ITIH2: variants seen among roughly 807,000 people sequenced by gnomAD.
The protein encoded by ITIH2 is inter-alpha-trypsin inhibitor heavy chain H2.
In ITIH2, 103 loss-of-function variants were observed where a neutral mutation model predicts 104.4. The ratio of observed to expected loss-of-function variants is 0.99; its 90% CI spans 0.84 to 1.16. ITIH2 has a LOEUF of 1.16. Ranked by LOEUF, ITIH2 falls within the 50% of genes most tolerant of loss-of-function variation. The pLI is 0.00. For missense variants in ITIH2, 1,108 were observed against 1,162.4 expected, an observed-to-expected ratio of 0.95 and a Z score of 0.68; for synonymous variants, 436 against 435.4, an observed-to-expected ratio of 1.00 and a Z score of -0.02.
At chr10:7,731,719 C>T (rs554406362) in intron 12 of ITIH2, 92 bp from the exon 13 acceptor site, 24 of 930,820 alleles carry the variant, frequency 2.6e-5, no homozygotes, top group South Asian at 3.9e-5. Context: ...AGTGAGACAT[C>T]GTCTCAAAAT....
chr10:7,747,608 C>T (rs1835191673), intron 20 of ITIH2, among the ~76,000 whole-genome samples: 1 of 152,102 alleles, frequency 6.6e-6, no homozygotes, highest in Non-Finnish European at 1.5e-5. Flanking sequence ...CATTTACTGC[C>T]AGGCATGGTG....
chr10:7,705,530 G>A (rs114908656), intron 2 of ITIH2, among the ~76,000 whole-genome samples: 2,113 of 151,784 alleles, frequency 0.014, 42 homozygotes, highest in African/African-American at 0.044. Context: ...ACATAGTGAG[G>A]CTCTACCTCT....
At chr10:7,715,154 G>T (rs1449525389) in intron 5 of ITIH2, among the ~76,000 whole-genome samples, 2 of 152,176 alleles carry the variant, frequency 1.3e-5, no homozygotes, top group Non-Finnish European at 2.9e-5. Context: ...CAGGCGTGGT[G>T]GCTCACGCCT....
chr10:7,706,124 T>C (rs1834745321), intron 2 of ITIH2, among the ~76,000 whole-genome samples: 1 of 152,214 alleles, frequency 6.6e-6, no homozygotes. Context: ...GGATTTTTTT[T>C]TGTAGACTAA....
intron 3 of ITIH2, 135 bp from the exon 4 acceptor site, chr10:7,708,887 C>T (rs1032355880): frequency 8.0e-6 from 6 of 752,550 alleles, no homozygotes; most frequent in African/African-American, 7.0e-5. Flanking sequence ...TGAATTCTGT[C>T]CTTACCAAGG....
intron 9 of ITIH2, among the ~76,000 whole-genome samples, chr10:7,724,217 C>A (rs538158325): frequency 5.3e-5 from 8 of 152,156 alleles, no homozygotes; most frequent in Admixed American, 4.6e-4. Context: ...AGTCATAGGG[C>A]AACTATTTTT....
chr10:7,730,864 T>A (rs1588457418), intron 12 of ITIH2, among the ~76,000 whole-genome samples: 1 of 152,120 alleles, frequency 6.6e-6, no homozygotes, highest in African/African-American at 2.4e-5. Context: ...TTTGTAAAAA[T>A]TTAATTATTA....
At position 7,721,682 on chromosome 10, in the gene ITIH2, C is replaced by T. The variant is rs530698071; in HGVS notation, c.772C>T (p.Gln258Ter). ...CTCCTTCAAGCCCACGGTAGCACAG[C>T]AGAGAATATGCCCTAACTGCCGGGA... The part of the protein sequence containing the change: ...HVSFKPTVAQ[Q>*]RICPNCRETA... The change falls in exon 8 of 21, where the codon CAG (glutamine) becomes TAG (stop). Residue 258 changes from glutamine to a stop codon, truncating the protein, a stop_gained. Transcript: ENST00000358415. LOFTEE classifies it high-confidence loss of function. The T allele has an allele frequency of 1.2e-6, 2 of 1,613,716 alleles. No homozygotes were observed. The highest frequency in any genetic ancestry group is 1.3e-5 in the African/African-American group (1 of 75,036).
chr10:7,722,660 A>C (rs892455634), intron 8 of ITIH2, among the ~76,000 whole-genome samples: 2 of 151,982 alleles, frequency 1.3e-5, no homozygotes, highest in African/African-American at 4.8e-5. Flanking sequence ...ATTCCCCACT[A>C]TCTCAACCTG....
rs374217961 is a variant in ITIH2, at chr10:7,725,917, G to A, written c.985-1033G>A. Among the ~76,000 whole-genome samples, 80 of 152,274 alleles carry A rather than the reference G, an allele frequency of 5.3e-4. No homozygotes were observed. The South Asian group carries it at 0.016, about 30-fold the overall frequency. ...GAAGAAGAGGATAATTGGTGATAGAGACTAATAAAAACAATTAGTAAGTGG... is the reference window on the plus strand; with the variant it reads ...GAAGAAGAGGATAATTGGTGATAGAAACTAATAAAAACAATTAGTAAGTGG... On this transcript the variant is annotated intron_variant, in intron 9 of 20. Coordinates refer to ENST00000358415, the MANE Select transcript of ITIH2 (RefSeq NM_002216.3).
intron 5 of ITIH2, among the ~76,000 whole-genome samples, chr10:7,714,521 C>T (rs1255408751): frequency 6.6e-6 from 1 of 152,080 alleles, no homozygotes; most frequent in East Asian, 1.9e-4. Flanking sequence ...CTCCTCTCCT[C>T]TTCTCTTACA....
intron 3 of ITIH2, among the ~76,000 whole-genome samples, chr10:7,708,373 G>A (rs550968706): frequency 2.6e-5 from 4 of 152,282 alleles, no homozygotes; most frequent in Non-Finnish European, 5.9e-5. Flanking sequence ...AGTAGTGATC[G>A]GGTAAGGAGG....
rs151161263 is a variant in ITIH2, at chr10:7,705,476, A to C, written c.159+294A>C. ...ATCACAGCATTTTCAGAGGCCAAGG[A>C]GGGAGGATCACTTGAGGCCAGGAGT... On this transcript the variant is annotated intron_variant, in intron 2 of 20. Coordinates refer to ENST00000358415, the MANE Select transcript of ITIH2 (RefSeq NM_002216.3). 7.2e-4 allele frequency among the ~76,000 whole-genome samples: 110 copies of C among 152,214 alleles called. 2 individuals are homozygous for C. Among genetic ancestry groups the C allele is most frequent in the African/African-American group, 2.6e-3 (108 of 41,538 alleles).
chr10:7,744,915 T>A lies in ITIH2; in HGVS notation c.2533T>A (p.Tyr845Asn). 1 of 1,614,156 alleles carries A rather than the reference T, an allele frequency of 6.2e-7. No homozygotes were observed. Residue 845 changes from tyrosine to asparagine, a missense_variant, in exon 19 of 21, where the codon TAC becomes AAC. Coordinates refer to ENST00000358415, the MANE Select transcript of ITIH2 (RefSeq NM_002216.3). ...CGTCAATGTTGACTTTCTGGGAATC[T>A]ACATACCCCCTACAAACAAGTTCTC... ...HPVNVDFLGI[Y>N]IPPTNKFSPK... is the part of the protein sequence containing the mutation.
chr10:7,704,358 G>A (rs117710263), intron 1 of ITIH2, among the ~76,000 whole-genome samples: 1,991 of 152,304 alleles, frequency 0.013, 34 homozygotes, highest in Non-Finnish European at 0.017. Flanking sequence ...AGCCACCAGA[G>A]TGTGTTAGAA....
chr10:7,747,890 C>G (rs73628453), intron 20 of ITIH2, among the ~76,000 whole-genome samples: 2 of 150,278 alleles, frequency 1.3e-5, no homozygotes, highest in Non-Finnish European at 3.0e-5. Flanking sequence ...CAGAGAGAGA[C>G]CTGTCTCATA....
At chr10:7,732,034 A>G in intron 13 of ITIH2, 38 bp downstream of exon 13, 1 of 1,495,734 alleles carries the variant, frequency 6.7e-7, no homozygotes, top group Non-Finnish European at 9.3e-7. Flanking sequence ...CTACTAACTG[A>G]CCCCCTAGAT....
In ITIH2 at chr10:7,737,773, TATTCTATATTATATTCTATATA is replaced by T. The variant is rs1308719320; in HGVS notation, c.1958-845_1958-824del. Among the ~76,000 whole-genome samples, 5 of 18,132 alleles carry T rather than the reference TATTCTATATTATATTCTATATA, an allele frequency of 2.8e-4. 2 individuals carry two copies. The allele number at this position is 18,132 out of a possible 152,430, so 11.9% of individuals were successfully genotyped here. On this transcript the variant is annotated intron_variant, in intron 15 of 20. Coordinates refer to ENST00000358415, the MANE Select transcript of ITIH2 (RefSeq NM_002216.3). ...ATATTCTATATTATATTCTATATAA[TATTCTATATTATATTCTATATA>T]ATATTCTATATTATATTCTATATAA...
chr10:7,715,769 C>T (rs733600), intron 5 of ITIH2, among the ~76,000 whole-genome samples: 9,472 of 152,254 alleles, frequency 0.062, 889 homozygotes, highest in African/African-American at 0.21. Flanking sequence ...TGAAATTTCA[C>T]TCTATCACCC....
Sources: gnomAD v4.1 joint callset for allele counts (sites outside exome capture counted in the v4.1 genomes callset) on GRCh38, gnomAD v4.1.1 for gene constraint, MANE v1.5 for transcripts, NCBI Gene and HGNC (gene_info 2026-07-23, HGNC 2026-07-21) for gene names.